RSL24D1: variants seen among roughly 807,000 people sequenced by gnomAD.
RSL24D1 encodes the protein probable ribosome biogenesis protein RLP24.
A neutral mutation model predicts 26.2 loss-of-function variants in RSL24D1; 6 were observed. That is an observed-to-expected ratio of 0.23 (90% confidence interval 0.13 to 0.45). The LOEUF (loss-of-function observed/expected upper bound fraction) is 0.45, where lower values mean the gene tolerates loss of function less well. Among genes scored for constraint, RSL24D1 ranks in the 20% least tolerant of loss-of-function variants. The probability of loss-of-function intolerance (pLI) is 0.99; values close to 1 mark genes in which losing one functional copy is unlikely to be tolerated. For missense variants in RSL24D1, 176 were observed against 202.6 expected (o/e 0.87, Z 0.80); for synonymous variants, 61 against 59.1 (o/e 1.03, Z -0.15).
At chr15:55,194,088 GCTCCT>G (rs891300741) in intron 1 of RSL24D1, 20 of 151,834 alleles carry the variant, frequency 1.3e-4, no homozygotes, top group Non-Finnish European at 2.5e-4. Context: ...ATTTGTTTTG[GCTCCT>G]CTCAATTCCA....
chr15:55,196,577 T>G, intron 1 of RSL24D1: 1 of 592,538 alleles, frequency 1.7e-6, no homozygotes, highest in Non-Finnish European at 3.0e-6. Flanking sequence ...AGTTCCTCGC[T>G]GCCAACGCCA....
Position 55,181,186 on chromosome 15 carries a change from T to TAAGTATC in RSL24D1, c.*959_*965dup, listed in dbSNP as rs1465411305. 6.6e-6 allele frequency: 1 copy of TAAGTATC among 152,226 alleles called. No homozygotes were observed. The highest frequency in any genetic ancestry group is 6.5e-5 in the Admixed American group (1 of 15,274). 9.4% of individuals were successfully genotyped at this position (152,226 alleles called of 1,614,324 possible). On this transcript the variant is annotated 3_prime_UTR_variant, in exon 6 of 6. Coordinates refer to ENST00000260443, the MANE Select transcript of RSL24D1 (RefSeq NM_016304.3). ...TGTAAAAACACAAAACATTAAGTAT[T>TAAGTATC]AAGTATCTATTTCTCTTTAATTAAA...
intron 2 of RSL24D1, among the ~76,000 whole-genome samples, chr15:55,192,161 G>A (rs1894304523): frequency 1.3e-5 from 2 of 152,188 alleles, no homozygotes. Flanking sequence ...TCCCTCAAAT[G>A]TAGCCTGTAC....
chr15:55,189,840 T>TA (rs1356952895), intron 3 of RSL24D1, among the ~76,000 whole-genome samples: 1 of 152,156 alleles, frequency 6.6e-6, no homozygotes, highest in Non-Finnish European at 1.5e-5. Flanking sequence ...AGCAGAGTAA[T>TA]AAAGTTTGTG....
At chr15:55,196,228 T>G (rs763177221) in intron 1 of RSL24D1, 2 of 425,210 alleles carry the variant, frequency 4.7e-6, no homozygotes, top group Non-Finnish European at 9.4e-6. Flanking sequence ...TCTCTGCCTT[T>G]TCTCAAAATG....
At chr15:55,194,324 A>C (rs1894331148) in intron 1 of RSL24D1, 1 of 152,244 alleles carries the variant, frequency 6.6e-6, no homozygotes, top group African/African-American at 2.4e-5. Context: ...GCAATGTGAT[A>C]ATCTCACTTT....
intron 3 of RSL24D1, among the ~76,000 whole-genome samples, chr15:55,188,823 C>A (rs537702778): frequency 2.6e-5 from 4 of 151,916 alleles, no homozygotes; most frequent in African/African-American, 9.7e-5. Context: ...TAAAAATGAT[C>A]TGGAGCTGCT....
chr15:55,183,362 A>G lies in RSL24D1; in HGVS notation c.371T>C (p.Ile124Thr). 6.2e-7 allele frequency: 1 copy of G among 1,612,076 alleles called. No individual in the cohort carries two copies. Among genetic ancestry groups the G allele is most frequent in the South Asian group, 1.1e-5 (1 of 91,002 alleles). The change falls in exon 5 of 6, where the codon ATC (isoleucine) becomes ACC (threonine). Residue 124 changes from isoleucine to threonine, a missense_variant. Ile to Thr is a moderately conservative substitution (Grantham distance 89). Transcript: ENST00000260443. ...ATGGATGTTTTGCTTGACTTCTTTGATATCCTGAACTTTCTGTAGCTCTTT... is the reference window on the plus strand; with the variant it reads ...ATGGATGTTTTGCTTGACTTCTTTGGTATCCTGAACTTTCTGTAGCTCTTT... ...KNKELQKVQD[I>T]KEVKQNIHLI...
At chr15:55,185,460 A>C (rs768793091) in intron 3 of RSL24D1, 35 bp from the exon 4 acceptor site, 3 of 1,488,242 alleles carry the variant, frequency 2.0e-6, no homozygotes, top group Non-Finnish European at 2.8e-6. Flanking sequence ...AAATGTATGC[A>C]CATTCAAGCG....
chr15:55,185,357 C>A lies in RSL24D1; in HGVS notation c.332+5G>T. The A allele has an allele frequency of 6.3e-7, 1 of 1,598,652 alleles. No individual in the cohort carries two copies. Among genetic ancestry groups the A allele is most frequent in the Non-Finnish European group, 8.5e-7 (1 of 1,172,758 alleles). ...CCAAAAGTTACTCCATACAAATATT[C>A]ATACCTGTTCATTATAAATTTAGCT... On this transcript the variant is annotated splice_donor_5th_base_variant and intron_variant, in intron 4 of 5. Coordinates refer to ENST00000260443, the MANE Select transcript of RSL24D1 (RefSeq NM_016304.3).
At chr15:55,183,456 C>T in intron 4 of RSL24D1, 56 bp from the exon 5 acceptor site, 1 of 1,201,816 alleles carries the variant, frequency 8.3e-7, no homozygotes, top group Non-Finnish European at 1.2e-6. Context: ...CTTTAAGAGG[C>T]ATCAATTCAC....
At chr15:55,189,307 G>A (rs964799903) in intron 3 of RSL24D1, among the ~76,000 whole-genome samples, 2 of 151,490 alleles carry the variant, frequency 1.3e-5, no homozygotes, top group Non-Finnish European at 2.9e-5. Context: ...AGAAATCCTT[G>A]AGTTTGAATA....
rs199505609 is a variant in RSL24D1 at position 55,194,399 on chromosome 15, A to G, written c.82-1566T>C. Reference sequence around the variant, plus strand: ...ATGGGATAAAGTTATAATCATGTATAATGTAATATGTAAACACATATGAGG... The same window carrying G: ...ATGGGATAAAGTTATAATCATGTATGATGTAATATGTAAACACATATGAGG... On this transcript the variant is annotated intron_variant, in intron 1 of 5. Coordinates refer to ENST00000260443, the MANE Select transcript of RSL24D1 (RefSeq NM_016304.3). 2.6e-5 allele frequency: 4 copies of G among 152,328 alleles called. No homozygotes were observed. The East Asian group carries it at 7.7e-4, about 29-fold the overall frequency. 9.4% of individuals were successfully genotyped at this position (152,328 alleles called of 1,614,324 possible). A position where few individuals can be genotyped will look rare whatever the true frequency, so the allele number is the denominator to read the frequency against.
chr15:55,194,011 TTTA>T (rs1894327782), intron 1 of RSL24D1: 1 of 152,234 alleles, frequency 6.6e-6, no homozygotes, highest in Admixed American at 6.5e-5. Context: ...GCCTCCCACA[TTTA>T]ATATCTACTA....
chr15:55,189,527 G>A (rs550627915), intron 3 of RSL24D1, among the ~76,000 whole-genome samples: 1 of 152,260 alleles, frequency 6.6e-6, no homozygotes, highest in South Asian at 2.1e-4. Context: ...GGTAAACAAA[G>A]CTTTAGAACA....
chr15:55,196,914 C>G lies in RSL24D1; in HGVS notation c.-24G>C, dbSNP rs774531421. 90 of 1,609,948 alleles carry G rather than the reference C, an allele frequency of 5.6e-5. No individual in the cohort carries two copies. The highest frequency in any genetic ancestry group is 7.3e-5 in the Non-Finnish European group (86 of 1,176,468). ...ATGTTGAACCCGCGTGTAACCCCAC[C>G]AAACAAACGCCAAGCTTGAGAGGAA... On this transcript the variant is annotated 5_prime_UTR_variant, in exon 1 of 6. Coordinates refer to ENST00000260443, the MANE Select transcript of RSL24D1 (RefSeq NM_016304.3).
intron 3 of RSL24D1, among the ~76,000 whole-genome samples, chr15:55,186,938 CA>C (rs774966932): frequency 2.0e-5 from 3 of 152,120 alleles, no homozygotes; most frequent in Non-Finnish European, 4.4e-5. Flanking sequence ...ATTAATTTAA[CA>C]AAATGTTAAC....
intron 3 of RSL24D1, among the ~76,000 whole-genome samples, chr15:55,186,904 AAAG>A (rs767256108): frequency 6.6e-6 from 1 of 152,196 alleles, no homozygotes; most frequent in Non-Finnish European, 1.5e-5. Context: ...AGAAAGGGAG[AAAG>A]AAGAGAGACA....
chr15:55,196,891 G>A lies in RSL24D1; in HGVS notation c.-1C>T, dbSNP rs143705766. On this transcript the variant is annotated 5_prime_UTR_variant, in exon 1 of 6. Coordinates refer to ENST00000260443, the MANE Select transcript of RSL24D1 (RefSeq NM_016304.3). ...AGAAATAACACTTTTCGATACGCAT[G>A]TTGAACCCGCGTGTAACCCCACCAA... The A allele has an allele frequency of 1.2e-6, 2 of 1,614,002 alleles. No homozygotes were observed. The highest frequency in any genetic ancestry group is 1.7e-6 in the Non-Finnish European group (2 of 1,179,976).
Sources: allele counts gnomAD v4.1 joint callset (sites outside exome capture counted in the v4.1 genomes callset), GRCh38; gene constraint gnomAD v4.1.1; transcripts MANE v1.5; gene names NCBI Gene and HGNC (gene_info 2026-07-23, HGNC 2026-07-21).